The following PLCB1 variants were observed in gnomAD, a reference collection of about 807,000 sequenced individuals.
PLCB1 encodes phospholipase C beta 1.
PLCB1 carries 46 observed loss-of-function variants against 161.8 expected under a neutral mutation model. The observed-to-expected ratio is 0.28, with a 90% CI of 0.22 to 0.36. The LOEUF (loss-of-function observed/expected upper bound fraction) is 0.36, where lower values mean the gene tolerates loss of function less well. PLCB1 is among the 10% of genes least tolerant of loss of function. PLCB1 has a pLI of 1.00. For missense variants in PLCB1, 1,016 were observed against 1,472.5 expected (o/e 0.69, Z 5.07); for synonymous variants, 517 against 503.7 (o/e 1.03, Z -0.35).
chr20:8,600,023 A>C, intron 3 of PLCB1, among the ~76,000 whole-genome samples: 2 of 82,146 alleles, frequency 2.4e-5, no homozygotes, highest in Non-Finnish European at 4.7e-5. Context: ...CAAAGTTTTC[A>C]ACTTCTTTGC....
intron 11 of PLCB1, among the ~76,000 whole-genome samples, chr20:8,703,082 G>A (rs1978460596): frequency 6.6e-6 from 1 of 152,158 alleles, no homozygotes; most frequent in Non-Finnish European, 1.5e-5. Context: ...CTACTCTGGA[G>A]ATGACTGCCA....
intron 3 of PLCB1, among the ~76,000 whole-genome samples, chr20:8,624,846 T>C (rs991771738): frequency 6.6e-5 from 10 of 152,196 alleles, no homozygotes; most frequent in African/African-American, 1.9e-4. Flanking sequence ...GATTTAACTT[T>C]AAAAGTGGAA....
chr20:8,344,965 G>A (rs545411238), intron 2 of PLCB1, among the ~76,000 whole-genome samples: 1 of 152,282 alleles, frequency 6.6e-6, no homozygotes, highest in Non-Finnish European at 1.5e-5. Context: ...AATGATCTGT[G>A]TTTTCTTTAT....
At chr20:8,853,497 C>CT (rs1453995734) in intron 31 of PLCB1, among the ~76,000 whole-genome samples, 6 of 151,960 alleles carry the variant, frequency 3.9e-5, no homozygotes, top group African/African-American at 1.4e-4. Flanking sequence ...CATCTGGCTT[C>CT]TTTTTTTGTT....
At chr20:8,329,055 A>G (rs564713972) in intron 2 of PLCB1, among the ~76,000 whole-genome samples, 3 of 152,314 alleles carry the variant, frequency 2.0e-5, no homozygotes, top group South Asian at 2.1e-4. Flanking sequence ...CTATGACTCA[A>G]TTGGTTAGTT....
chr20:8,219,065 G>A (rs1979279619), intron 2 of PLCB1, among the ~76,000 whole-genome samples: 1 of 152,074 alleles, frequency 6.6e-6, no homozygotes, highest in African/African-American at 2.4e-5. Context: ...GAATGTCACT[G>A]ATACACCAAT....
At chr20:8,341,290 T>C (rs907718220) in intron 2 of PLCB1, among the ~76,000 whole-genome samples, 12 of 152,184 alleles carry the variant, frequency 7.9e-5, no homozygotes, top group Admixed American at 6.5e-5. Flanking sequence ...GAAGACTTTG[T>C]AGAGAGTCTT....
At chr20:8,632,595 G>A (rs971026588) in intron 4 of PLCB1, among the ~76,000 whole-genome samples, 4 of 152,170 alleles carry the variant, frequency 2.6e-5, no homozygotes, top group Admixed American at 2.6e-4. Flanking sequence ...GCATTAAATA[G>A]GGTGGTCAGT....
intron 31 of PLCB1, among the ~76,000 whole-genome samples, chr20:8,790,498 G>A (rs1983701576): frequency 6.6e-6 from 1 of 152,126 alleles, no homozygotes; most frequent in African/African-American, 2.4e-5. Context: ...CAGAGATTTG[G>A]CTTTAACTAA....
At chr20:8,545,729 A>G (rs1402238269) in intron 3 of PLCB1, among the ~76,000 whole-genome samples, 1 of 152,240 alleles carries the variant, frequency 6.6e-6, no homozygotes, top group Non-Finnish European at 1.5e-5. Context: ...GAAAGAGTGC[A>G]TGGGTGAAAG....
chr20:8,382,859 C>T (rs1403424116), intron 3 of PLCB1, among the ~76,000 whole-genome samples: 1 of 152,152 alleles, frequency 6.6e-6, no homozygotes, highest in African/African-American at 2.4e-5. Flanking sequence ...GAGTGAGTTT[C>T]TTAATCCTGA....
intron 3 of PLCB1, among the ~76,000 whole-genome samples, chr20:8,396,776 G>A (rs548574735): frequency 1.3e-4 from 20 of 151,966 alleles, no homozygotes; most frequent in South Asian, 8.3e-4. Context: ...ATTTGCATAC[G>A]TAACATATTA....
chr20:8,478,027 AT>A (rs975094185), intron 3 of PLCB1, among the ~76,000 whole-genome samples: 1 of 152,180 alleles, frequency 6.6e-6, no homozygotes, highest in African/African-American at 2.4e-5. Context: ...ATTGAGTAAA[AT>A]TTATCTGAAG....
intron 3 of PLCB1, among the ~76,000 whole-genome samples, chr20:8,582,941 A>G (rs1214019609): frequency 6.7e-6 from 1 of 150,194 alleles, no homozygotes; most frequent in Admixed American, 6.7e-5. Context: ...GTGAGCCGAG[A>G]TCACACCGCT....
intron 10 of PLCB1, among the ~76,000 whole-genome samples, chr20:8,689,310 C>T (rs758539476): frequency 6.6e-6 from 1 of 152,234 alleles, no homozygotes; most frequent in Non-Finnish European, 1.5e-5. Context: ...TTGACTTCCT[C>T]TTCACTTATT....
At chr20:8,765,086 A>T in intron 25 of PLCB1, 53 bp from the exon 26 acceptor site, 7 of 1,407,904 alleles carry the variant, frequency 5.0e-6, no homozygotes, top group Non-Finnish European at 6.9e-6. Context: ...TCTTCTTTCC[A>T]TCTGGATGTT....
intron 31 of PLCB1, among the ~76,000 whole-genome samples, chr20:8,803,729 A>AT (rs144501705): frequency 0.013 from 1,912 of 151,876 alleles, 49 homozygotes; most frequent in African/African-American, 0.043. Flanking sequence ...GCACCATTCG[A>AT]TTTTTTTGTT....
At chr20:8,618,478 C>T (rs926513803) in intron 3 of PLCB1, among the ~76,000 whole-genome samples, 2 of 151,528 alleles carry the variant, frequency 1.3e-5, no homozygotes, top group Admixed American at 6.6e-5. Flanking sequence ...GCCTGAGCAA[C>T]ACAGTGAGAC....
chr20:8,743,573 G>A (rs183707677), intron 23 of PLCB1, among the ~76,000 whole-genome samples: 2 of 152,106 alleles, frequency 1.3e-5, no homozygotes, highest in Admixed American at 1.3e-4. Flanking sequence ...TCACCTCCCT[G>A]CAGTTTTTTC....
Sources: gnomAD v4.1 joint callset for allele counts (sites outside exome capture counted in the v4.1 genomes callset) on GRCh38, gnomAD v4.1.1 for gene constraint, MANE v1.5 for transcripts, NCBI Gene and HGNC (gene_info 2026-07-23, HGNC 2026-07-21) for gene names.